Variants in SLC27A4 observed in about 807,000 individuals in gnomAD.
The protein encoded by SLC27A4 is long-chain fatty acid transport protein 4.
In SLC27A4, 33 loss-of-function variants were observed where a neutral mutation model predicts 64.4. That is an observed-to-expected ratio of 0.51 (90% CI 0.39 to 0.68). The LOEUF (loss-of-function observed/expected upper bound fraction) is 0.68. Among genes scored for constraint, SLC27A4 ranks in the 30% least tolerant of loss-of-function variants. SLC27A4 has a pLI of 0.00. For synonymous variants in SLC27A4, 377 were observed against 370.0 expected, an observed-to-expected ratio of 1.02 and a Z score of -0.22; for missense variants, 824 against 883.5, an observed-to-expected ratio of 0.93 and a Z score of 0.85.
intron 2 of SLC27A4, among the ~76,000 whole-genome samples, chr9:128,344,135 T>C (rs556193090): frequency 7.9e-5 from 12 of 152,214 alleles, no homozygotes; most frequent in Admixed American, 3.9e-4. Context: ...GAAGGCCTCC[T>C]GGAGAAAAAG....
In SLC27A4 at chr9:128,355,815, C is replaced by G; in HGVS notation, c.1774+19C>G. On this transcript the variant is annotated intron_variant, in intron 12 of 12. Transcript: ENST00000300456. ...AAAACAGGTGTGTCCCTCCCCTGCT[C>G]CAGCTCTCGGATCCCAGGTCCCTTC... 1 of 1,612,028 alleles carries G rather than the reference C, an allele frequency of 6.2e-7. No homozygotes were observed. The highest frequency in any genetic ancestry group is 1.1e-5 in the South Asian group (1 of 91,078).
At position 128,345,416 on chromosome 9, in the gene SLC27A4, C is replaced by T. The variant is rs368927624; in HGVS notation, c.423C>T (p.Gly141=). The T allele has an allele frequency of 3.7e-6, 6 of 1,613,644 alleles. No homozygotes were observed. Among genetic ancestry groups the T allele is most frequent in the Non-Finnish European group, 5.1e-6 (6 of 1,180,028 alleles). ...TGGAGAACCGCAATGAGTTCGTGGG[C>T]CTATGGCTGGGCATGGCCAAGCTCG... ...IFMENRNEFV[G]LWLGMAKLGV... is the part of the protein sequence containing the mutation. Residue 141 remains glycine (G), a synonymous_variant, in exon 3 of 13, where the codon GGC becomes GGT. Coordinates refer to ENST00000300456, the MANE Select transcript of SLC27A4 (RefSeq NM_005094.4). This position sits in a 1 kb window ranked among gnomAD's most constrained non-coding sequence, Gnocchi z 4.1.
At chr9:128,352,892 A>G (rs2131265215) in intron 7 of SLC27A4, 133 bp from the exon 8 acceptor site, 1 of 1,070,176 alleles carries the variant, frequency 9.3e-7, no homozygotes, top group Non-Finnish European at 1.4e-6. Context: ...TTCAGATGGG[A>G]AGGCTGAGAC....
At chr9:128,352,396 A>G (rs1588561663) in intron 6 of SLC27A4, among the ~76,000 whole-genome samples, 2 of 152,104 alleles carry the variant, frequency 1.3e-5, no homozygotes. Flanking sequence ...CCAGGTGCTT[A>G]GAGTCGGGTG....
intron 6 of SLC27A4, 52 bp from the exon 7 acceptor site, chr9:128,352,586 C>A: frequency 7.1e-7 from 1 of 1,411,530 alleles, no homozygotes; most frequent in Non-Finnish European, 1.0e-6. Context: ...GATTTGGGGC[C>A]GGGGAGGGTC....
Position 128,350,921 on chromosome 9 carries a change from G to A in SLC27A4, c.877+346G>A, listed in dbSNP as rs374031495. On this transcript the variant is annotated intron_variant, in intron 6 of 12. Coordinates refer to ENST00000300456, the MANE Select transcript of SLC27A4 (RefSeq NM_005094.4). ...ATCCTGGCTAACACGGTGAAACCCCGTCTCTACTAAAAGTACAAAAAATTA... is the reference window on the plus strand; with the variant it reads ...ATCCTGGCTAACACGGTGAAACCCCATCTCTACTAAAAGTACAAAAAATTA... Among the ~76,000 whole-genome samples, 44 of 152,192 alleles carry A rather than the reference G, an allele frequency of 2.9e-4. 1 individual carries two copies. The East Asian group carries it at 4.6e-3, about 16-fold the overall frequency.
rs978402204 is a variant in SLC27A4, at chr9:128,340,878, A to T, written c.-7+40A>T. ...GGCTGGTGGGTTCCCGGGTGGGGACATGTGCCAGGCCGAGTCGGGCGAGGT... is the reference window on the plus strand; with the variant it reads ...GGCTGGTGGGTTCCCGGGTGGGGACTTGTGCCAGGCCGAGTCGGGCGAGGT... On this transcript the variant is annotated intron_variant, in intron 1 of 12. Transcript: ENST00000300456. The T allele has an allele frequency of 5.6e-5, 33 of 591,554 alleles. No homozygotes were observed. In the African/African-American group the frequency reaches 6.0e-4, roughly 11 times the overall value. 36.6% of individuals were successfully genotyped at this position (591,554 alleles called of 1,614,324 possible).
intron 4 of SLC27A4, among the ~76,000 whole-genome samples, chr9:128,349,987 T>C (rs1832709739): frequency 6.6e-6 from 1 of 152,156 alleles, no homozygotes; most frequent in Non-Finnish European, 1.5e-5. Flanking sequence ...CCTCGGCACT[T>C]GTTGCTTAGT....
At chr9:128,358,383 G>A (rs528790358) in intron 12 of SLC27A4, among the ~76,000 whole-genome samples, 8 of 152,354 alleles carry the variant, frequency 5.3e-5, no homozygotes, top group African/African-American at 1.7e-4. Flanking sequence ...CTGCTGGCTG[G>A]ACGCCGTGGC....
rs892304434 is a variant in SLC27A4, at chr9:128,350,542, G to A, written c.844G>A (p.Val282Ile). 8 of 1,613,706 alleles carry A rather than the reference G, an allele frequency of 5.0e-6. No individual in the cohort carries two copies. The highest frequency in any genetic ancestry group is 6.8e-6 in the Non-Finnish European group (8 of 1,179,878). ...ATTCCGCATGCGGCCCAACGACATC[G>A]TCTATGACTGCCTCCCCCTCTACCA... The part of the protein sequence containing the change: ...YGFRMRPNDI[V>I]YDCLPLYHSA... The change falls in exon 6 of 13, where the codon GTC (valine) becomes ATC (isoleucine). Residue 282 changes from valine to isoleucine, a missense_variant. By Grantham distance (29) the Val-to-Ile change is conservative. Transcript: ENST00000300456.
intron 2 of SLC27A4, among the ~76,000 whole-genome samples, chr9:128,344,346 C>T (rs546011920): frequency 3.3e-5 from 5 of 152,086 alleles, no homozygotes; most frequent in African/African-American, 1.2e-4. Context: ...GGCAAAACCC[C>T]GTCCCTACCA....
rs1832757974 is a variant in SLC27A4 at position 128,352,851 on chromosome 9, A to G, written c.987+104A>G. Reference sequence around the variant, plus strand: ...TATAGCTGAGGTGGCCAGTCATTCCAAAGGGCTCATTTGTGGCAAAGTTCC... The same window carrying G: ...TATAGCTGAGGTGGCCAGTCATTCCGAAGGGCTCATTTGTGGCAAAGTTCC... On this transcript the variant is annotated intron_variant, in intron 7 of 12. Transcript: ENST00000300456. 3.6e-6 allele frequency: 4 copies of G among 1,103,968 alleles called. No individual in the cohort carries two copies. The East Asian group carries it at 7.4e-5, about 20-fold the overall frequency. The allele number at this position is 1,103,968 out of a possible 1,614,324, so 68.4% of individuals were successfully genotyped here. A position where few individuals can be genotyped will look rare whatever the true frequency, so the allele number is the denominator to read the frequency against.
intron 1 of SLC27A4, chr9:128,342,209 C>T (rs769531533): frequency 4.5e-5 from 71 of 1,590,830 alleles, no homozygotes; most frequent in Non-Finnish European, 5.9e-5. Flanking sequence ...TCGCATGCCT[C>T]GCTCCGCTTT....
At chr9:128,342,206 C>T (rs199920819) in intron 1 of SLC27A4, 259 of 1,584,496 alleles carry the variant, frequency 1.6e-4, no homozygotes, top group Non-Finnish European at 2.2e-4. Flanking sequence ...TTCTCGCATG[C>T]CTCGCTCCGC....
intron 4 of SLC27A4, among the ~76,000 whole-genome samples, 173 bp downstream of exon 4, chr9:128,348,876 G>T (rs914594626): frequency 6.6e-6 from 1 of 152,180 alleles, no homozygotes; most frequent in African/African-American, 2.4e-5. Context: ...CCACTCCAGG[G>T]TTACTGTGAA....
chr9:128,357,640 T>A (rs929560264), intron 12 of SLC27A4, among the ~76,000 whole-genome samples: 1 of 152,152 alleles, frequency 6.6e-6, no homozygotes, highest in Admixed American at 6.5e-5. Flanking sequence ...TCTTTCTATC[T>A]GTTGGCCCAT....
chr9:128,348,428 G>A, intron 3 of SLC27A4, 117 bp from the exon 4 acceptor site: 1 of 1,304,536 alleles, frequency 7.7e-7, no homozygotes, highest in South Asian at 1.2e-5. Flanking sequence ...TTGCTTCACT[G>A]CCTCTCCTCC....
chr9:128,344,813 C>T (rs986557752), intron 2 of SLC27A4, among the ~76,000 whole-genome samples: 4 of 152,154 alleles, frequency 2.6e-5, no homozygotes, highest in East Asian at 1.9e-4. Context: ...TCTGCTGGAG[C>T]AGCAGGCTGA....
intron 1 of SLC27A4, chr9:128,342,781 G>A (rs761377946): frequency 2.5e-5 from 10 of 400,468 alleles, no homozygotes; most frequent in African/African-American, 1.0e-4. Flanking sequence ...AAAAGAACAC[G>A]TCTCACTACA....
Sources: gnomAD v4.1 joint callset for allele counts (sites outside exome capture counted in the v4.1 genomes callset) on GRCh38, gnomAD v4.1.1 for gene constraint, Gnocchi (gnomAD v3.1) non-coding constraint, MANE v1.5 for transcripts, NCBI Gene and HGNC (gene_info 2026-07-23, HGNC 2026-07-21) for gene names.